The following HTR1D variants were observed in gnomAD, a reference collection of about 807,000 sequenced individuals.
HTR1D encodes the protein 5-HT-1D.
HTR1D carries 18 observed loss-of-function variants against 21.1 expected under a neutral mutation model. That is an observed-to-expected ratio of 0.85 (90% CI 0.59 to 1.27). HTR1D has a LOEUF of 1.27. HTR1D is among the 50% of genes most tolerant of loss of function. The pLI is 0.00. For missense variants in HTR1D, 456 were observed against 481.4 expected (o/e 0.95, Z 0.49); for synonymous variants, 196 against 204.4 (o/e 0.96, Z 0.35).
chr1:23,214,730 C>T (rs1644766791), intron 1 of HTR1D, among the ~76,000 whole-genome samples: 1 of 152,174 alleles, frequency 6.6e-6, no homozygotes, highest in Non-Finnish European at 1.5e-5. Flanking sequence ...TCTTTCCCCA[C>T]ACACCCTCCA....
chr1:23,195,728 G>A (rs1032118802), intron 1 of HTR1D, among the ~76,000 whole-genome samples: 3 of 151,918 alleles, frequency 2.0e-5, no homozygotes, highest in African/African-American at 4.8e-5. Flanking sequence ...GAACTACTGT[G>A]GCTGGCCCCT....
intron 1 of HTR1D, among the ~76,000 whole-genome samples, chr1:23,209,110 C>A (rs575769475): frequency 6.6e-6 from 1 of 151,678 alleles, no homozygotes; most frequent in Non-Finnish European, 1.5e-5. Flanking sequence ...ATTCTCCTGC[C>A]TCAGCCTCCT....
intron 1 of HTR1D, among the ~76,000 whole-genome samples, chr1:23,213,020 T>G (rs1330779023): frequency 6.6e-6 from 1 of 151,858 alleles, no homozygotes; most frequent in East Asian, 1.9e-4. Context: ...GAGACAGGGT[T>G]TCACCATGTT....
chr1:23,215,407 AC>A (rs1317115680), intron 1 of HTR1D, among the ~76,000 whole-genome samples: 2 of 152,278 alleles, frequency 1.3e-5, no homozygotes, highest in East Asian at 3.9e-4. Flanking sequence ...ACAGAGCACC[AC>A]CCTGTCTCAA....
intron 1 of HTR1D, among the ~76,000 whole-genome samples, chr1:23,203,061 G>A (rs1306746218): frequency 6.6e-6 from 1 of 152,006 alleles, no homozygotes; most frequent in African/African-American, 2.4e-5. Context: ...CACCACGCCT[G>A]GCTAATTTTT....
intron 1 of HTR1D, among the ~76,000 whole-genome samples, chr1:23,198,663 T>C (rs1242891173): frequency 6.6e-6 from 1 of 152,014 alleles, no homozygotes; most frequent in Non-Finnish European, 1.5e-5. Flanking sequence ...GATGGAGGGC[T>C]ACAGAGAAGC....
intron 1 of HTR1D, among the ~76,000 whole-genome samples, chr1:23,212,176 C>T (rs1293689114): frequency 6.6e-6 from 1 of 152,156 alleles, no homozygotes; most frequent in Non-Finnish European, 1.5e-5. Context: ...TCTCCCCCAC[C>T]CTCTCGGGAA....
At chr1:23,214,417 ACT>A (rs1644765607) in intron 1 of HTR1D, among the ~76,000 whole-genome samples, 1 of 151,322 alleles carries the variant, frequency 6.6e-6, no homozygotes, top group Admixed American at 6.6e-5. Context: ...ACAAAGCCAG[ACT>A]CTGTCATCAT....
At chr1:23,195,983 G>A (rs663942) in intron 1 of HTR1D, among the ~76,000 whole-genome samples, 53,272 of 151,742 alleles carry the variant, frequency 0.35, 9,841 homozygotes, top group African/African-American at 0.47. Flanking sequence ...GCACACCACC[G>A]TGCCCAGCTA....
intron 1 of HTR1D, among the ~76,000 whole-genome samples, chr1:23,203,035 C>T (rs1026443541): frequency 1.3e-5 from 2 of 152,094 alleles, no homozygotes; most frequent in African/African-American, 2.4e-5. Context: ...CTGTCTCAGC[C>T]TCCGGAGTAG....
chr1:23,204,135 T>C (rs1644720474), intron 1 of HTR1D, among the ~76,000 whole-genome samples: 1 of 152,058 alleles, frequency 6.6e-6, no homozygotes, highest in East Asian at 1.9e-4. Context: ...AGTCTCTTTT[T>C]TTTTTTTTGA....
intron 1 of HTR1D, among the ~76,000 whole-genome samples, chr1:23,200,599 C>T (rs1320013994): frequency 6.6e-6 from 1 of 152,094 alleles, no homozygotes; most frequent in Non-Finnish European, 1.5e-5. Context: ...GTCTCAAATT[C>T]CTGGCCTCAA....
At chr1:23,198,126 C>T (rs1644696429) in intron 1 of HTR1D, among the ~76,000 whole-genome samples, 1 of 150,618 alleles carries the variant, frequency 6.6e-6, no homozygotes, top group Non-Finnish European at 1.5e-5. Flanking sequence ...AATCCCAGCA[C>T]TTTGGGAGGC....
intron 1 of HTR1D, among the ~76,000 whole-genome samples, chr1:23,207,854 C>T (rs557616883): frequency 1.3e-5 from 2 of 151,476 alleles, no homozygotes; most frequent in South Asian, 4.2e-4. Flanking sequence ...CTCCGCCCAC[C>T]AGGGTCAAGC....
chr1:23,209,040 G>A (rs923110155), intron 1 of HTR1D, among the ~76,000 whole-genome samples: 3 of 143,422 alleles, frequency 2.1e-5, no homozygotes, highest in African/African-American at 5.3e-5. Context: ...CTGTCACCCA[G>A]GCTGGAGTGA....
Position 23,194,268 on chromosome 1 carries a change from C to T in HTR1D, c.-49G>A, listed in dbSNP as rs1033824378. The T allele has an allele frequency of 6.5e-7, 1 of 1,544,846 alleles. No individual in the cohort carries two copies. Among genetic ancestry groups the T allele is most frequent in the East Asian group, 2.2e-5 (1 of 44,512 alleles). On this transcript the variant is annotated 5_prime_UTR_variant, in exon 2 of 2. Transcript: ENST00000374619. ...AGACCTCCACACATTTGGCTCCTTCCTTCAAGGTTGTCCTGACAACAGAGC... is the reference window on the plus strand; with the variant it reads ...AGACCTCCACACATTTGGCTCCTTCTTTCAAGGTTGTCCTGACAACAGAGC...
chr1:23,211,889 C>G (rs984411269), intron 1 of HTR1D, among the ~76,000 whole-genome samples: 3 of 152,054 alleles, frequency 2.0e-5, no homozygotes, highest in Admixed American at 2.0e-4. Flanking sequence ...ATCTTGAACT[C>G]CTAAGTTCAA....
intron 1 of HTR1D, among the ~76,000 whole-genome samples, chr1:23,212,579 A>G (rs1463378256): frequency 2.0e-5 from 3 of 152,212 alleles, no homozygotes; most frequent in Non-Finnish European, 4.4e-5. Flanking sequence ...CTGTCTCCCC[A>G]TAAGATGGTG....
rs771944244 is a variant in HTR1D at position 23,193,508 on chromosome 1, G to A, written c.712C>T (p.Arg238Cys). The A allele has an allele frequency of 1.9e-5, 30 of 1,613,916 alleles. No individual in the cohort carries two copies. Among genetic ancestry groups the A allele is most frequent in the Admixed American group, 1.0e-4 (6 of 60,002 alleles). Residue 238 changes from arginine to cysteine, a missense_variant, in exon 2 of 2, where the codon CGC becomes TGC. Physicochemically the swap from Arg to Cys is radical, Grantham distance 180. Coordinates refer to ENST00000374619, the MANE Select transcript of HTR1D (RefSeq NM_000864.5). ...ILNPPSLYGK[R>C]FTTAHLITGS... ...GTGATGAGGTGGGCCGTGGTGAAGCGCTTCCCATAGAGTGAGGGTGGATTC... is the reference window on the plus strand; with the variant it reads ...GTGATGAGGTGGGCCGTGGTGAAGCACTTCCCATAGAGTGAGGGTGGATTC...
Sources: gnomAD v4.1 joint callset for allele counts (sites outside exome capture counted in the v4.1 genomes callset) on GRCh38, gnomAD v4.1.1 for gene constraint, MANE v1.5 for transcripts, NCBI Gene and HGNC (gene_info 2026-07-23, HGNC 2026-07-21) for gene names.